NAV3: variants seen among roughly 807,000 people sequenced by gnomAD.
The protein encoded by NAV3 is pore membrane and/or filament interacting like protein 1.
A neutral mutation model predicts 244.7 loss-of-function variants in NAV3; 87 were observed. The ratio of observed to expected loss-of-function variants is 0.36; its 90% CI spans 0.30 to 0.42. The LOEUF is 0.42. Among genes scored for constraint, NAV3 ranks in the 20% least tolerant of loss-of-function variants. The pLI is 1.00. For missense variants in NAV3, 2,663 were observed against 2,893.3 expected (o/e 0.92, Z 1.83); for synonymous variants, 1,126 against 1,042.2 (o/e 1.08, Z -1.55).
At chr12:78,200,438 ACT>A (rs779382991) in intron 37 of NAV3, 33 bp from the exon 38 acceptor site, 25 of 1,285,618 alleles carry the variant, frequency 1.9e-5, no homozygotes, top group Admixed American at 1.9e-4. Flanking sequence ...ATTAAATATA[ACT>A]CTTAAAATAT....
chr12:77,845,134 T>C (rs1005757501), intron 1 of NAV3, among the ~76,000 whole-genome samples: 1 of 150,584 alleles, frequency 6.6e-6, no homozygotes, highest in African/African-American at 2.5e-5. Flanking sequence ...TATATGTGTG[T>C]ATATATATAT....
intron 18 of NAV3, among the ~76,000 whole-genome samples, chr12:78,135,652 A>G (rs1956342345): frequency 6.6e-6 from 1 of 152,170 alleles, no homozygotes; most frequent in Admixed American, 6.5e-5. Context: ...GAATAGGGTG[A>G]CTTACCCCAA....
At chr12:78,122,479 A>G (rs1479687973) in intron 16 of NAV3, 51 bp downstream of exon 16, 4 of 1,513,148 alleles carry the variant, frequency 2.6e-6, no homozygotes, top group Non-Finnish European at 3.5e-6. Flanking sequence ...TCCCTGCACT[A>G]TGCCTAACCC....
At chr12:78,042,936 T>A (rs535827058) in intron 9 of NAV3, among the ~76,000 whole-genome samples, 24,311 of 151,296 alleles carry the variant, frequency 0.16, 2,990 homozygotes, top group African/African-American at 0.35. Context: ...TGATCATAGT[T>A]TTTTTTTTTA....
rs111696385 is a variant in NAV3 at position 77,810,593 on chromosome 12, A to G, written c.73-129726A>G. 1.3e-3 allele frequency among the ~76,000 whole-genome samples: 198 copies of G among 152,318 alleles called. 2 individuals are homozygous for G. Among genetic ancestry groups the G allele is most frequent in the African/African-American group, 4.6e-3 (193 of 41,578 alleles). Reference sequence around the variant, plus strand: ...ACTTTTAGAATCAAAAAATATTTTAAAACTCAGTGACTTTGCAGACCAAGG... The same window carrying G: ...ACTTTTAGAATCAAAAAATATTTTAGAACTCAGTGACTTTGCAGACCAAGG... On this transcript the variant is annotated intron_variant, in intron 2 of 8. Coordinates refer to the NAV3 transcript ENST00000550042.
intron 23 of NAV3, among the ~76,000 whole-genome samples, chr12:78,161,142 A>C (rs1297874938): frequency 1.3e-5 from 2 of 152,088 alleles, no homozygotes; most frequent in Non-Finnish European, 2.9e-5. Context: ...GGTAATCTTG[A>C]GCAAGTTTAT....
At chr12:78,161,950 G>A (rs1476262716) in intron 23 of NAV3, among the ~76,000 whole-genome samples, 1 of 152,090 alleles carries the variant, frequency 6.6e-6, no homozygotes, top group African/African-American at 2.4e-5. Flanking sequence ...GAAATGAATT[G>A]AATTTCAAGG....
chr12:77,837,679 A>C (rs1276571008), intron 1 of NAV3, among the ~76,000 whole-genome samples: 1 of 152,160 alleles, frequency 6.6e-6, no homozygotes, highest in Non-Finnish European at 1.5e-5. Context: ...AGCAATAAAT[A>C]CTTCTTTCGG....
intron 2 of NAV3, among the ~76,000 whole-genome samples, chr12:77,745,705 T>G (rs1295253615): frequency 6.6e-6 from 1 of 151,658 alleles, no homozygotes; most frequent in Admixed American, 6.6e-5. Context: ...CAATAAGGAG[T>G]CAATTAGGAC....
At chr12:77,615,067 G>A (rs1204823840) in intron 2 of NAV3, among the ~76,000 whole-genome samples, 1 of 152,106 alleles carries the variant, frequency 6.6e-6, no homozygotes, top group African/African-American at 2.4e-5. Flanking sequence ...TTCTTTGTAT[G>A]TATAATGTGA....
intron 5 of NAV3, among the ~76,000 whole-genome samples, chr12:77,994,165 TAA>T (rs1197116312): frequency 6.6e-6 from 1 of 152,254 alleles, no homozygotes; most frequent in African/African-American, 2.4e-5. Flanking sequence ...TAGTATTTGT[TAA>T]GTTGTTTATG....
At chr12:78,167,375 A>G (rs1384747303) in intron 23 of NAV3, among the ~76,000 whole-genome samples, 1 of 151,748 alleles carries the variant, frequency 6.6e-6, no homozygotes, top group Non-Finnish European at 1.5e-5. Context: ...ATAAGCTACT[A>G]AAAGTACATA....
chr12:78,079,665 C>G lies in NAV3; in HGVS notation c.2636+20550C>G, dbSNP rs183223596. Among the ~76,000 whole-genome samples, 276 of 152,222 alleles carry G rather than the reference C, an allele frequency of 1.8e-3. 2 individuals are homozygous for G. The highest frequency in any genetic ancestry group is 3.4e-3 in the Admixed American group (52 of 15,296). On this transcript the variant is annotated intron_variant, in intron 12 of 39. Coordinates refer to ENST00000397909, the MANE Select transcript of NAV3 (RefSeq NM_001024383.2). ...ATTTTTGAAAACTCTCACTTCTTTA[C>G]AAATAAGACAATAAACAGGAGGCTT...
chr12:77,701,136 T>C (rs1234724651), intron 2 of NAV3, among the ~76,000 whole-genome samples: 2 of 151,970 alleles, frequency 1.3e-5, no homozygotes, highest in East Asian at 3.9e-4. Flanking sequence ...TGATATTGTT[T>C]CTTTCTTTGT....
intron 2 of NAV3, among the ~76,000 whole-genome samples, chr12:77,746,529 G>A (rs1466777747): frequency 6.6e-6 from 1 of 152,068 alleles, no homozygotes; most frequent in Non-Finnish European, 1.5e-5. Flanking sequence ...AACTAATACT[G>A]TGTTGGGCCC....
At chr12:77,661,257 T>C (rs971624251) in intron 2 of NAV3, among the ~76,000 whole-genome samples, 1 of 152,158 alleles carries the variant, frequency 6.6e-6, no homozygotes, top group African/African-American at 2.4e-5. Flanking sequence ...TTTGTCAGTC[T>C]CTTTATTTTA....
chr12:78,018,887 A>G (rs1452315810), intron 8 of NAV3, among the ~76,000 whole-genome samples: 1 of 152,144 alleles, frequency 6.6e-6, no homozygotes, highest in East Asian at 1.9e-4. Flanking sequence ...CGAGGGGTAG[A>G]GTGGCCCACA....
rs554639525 is a variant in NAV3 at position 77,727,489 on chromosome 12, A to C, written c.72+155223A>C. Among the ~76,000 whole-genome samples, 5 of 151,964 alleles carry C rather than the reference A, an allele frequency of 3.3e-5. No individual in the cohort carries two copies. The South Asian group carries it at 1.0e-3, about 32-fold the overall frequency. On this transcript the variant is annotated intron_variant, in intron 2 of 8. Transcript: ENST00000550042. Reference sequence around the variant, plus strand: ...TTTTTGTATCATTTAGAATATTACCAAGTCAAGGGTATAAATATTTTAATG... The same window carrying C: ...TTTTTGTATCATTTAGAATATTACCCAGTCAAGGGTATAAATATTTTAATG...
chr12:78,082,959 T>C (rs1953435696), intron 12 of NAV3, among the ~76,000 whole-genome samples: 1 of 152,216 alleles, frequency 6.6e-6, no homozygotes, highest in South Asian at 2.1e-4. Context: ...TCATCACCTC[T>C]CCTCTGAAAG....
Sources: allele counts gnomAD v4.1 joint callset (sites outside exome capture counted in the v4.1 genomes callset), GRCh38; gene constraint gnomAD v4.1.1; transcripts MANE v1.5; gene names NCBI Gene and HGNC (gene_info 2026-07-23, HGNC 2026-07-21).